The following PCBD2 variants were observed in gnomAD, a reference collection of about 807,000 sequenced individuals.
PCBD2 encodes pterin-4-alpha-carbinolamine dehydratase 2.
Under a neutral mutation model 16.4 loss-of-function variants are expected in PCBD2, and 12 were observed. The observed-to-expected ratio is 0.73, with a 90% confidence interval of 0.47 to 1.19. The LOEUF (loss-of-function observed/expected upper bound fraction) is 1.19, where lower values mean the gene tolerates loss of function less well. Ranked by LOEUF, PCBD2 falls within the 50% of genes most tolerant of loss-of-function variation. The pLI is 0.00. For synonymous variants in PCBD2, 58 were observed against 61.8 expected (o/e 0.94, Z 0.29); for missense variants, 138 against 156.8 (o/e 0.88, Z 0.64).
At chr5:134,905,246 G>C in intron 1 of PCBD2, 23 bp downstream of exon 1, 1 of 1,223,340 alleles carries the variant, frequency 8.2e-7, no homozygotes, top group Non-Finnish European at 1.0e-6. Context: ...CGGCCGCGTG[G>C]GTGGGGGTCC....
chr5:134,919,894 T>G (rs752332761), intron 2 of PCBD2, among the ~76,000 whole-genome samples: 1 of 152,210 alleles, frequency 6.6e-6, no homozygotes, highest in Non-Finnish European at 1.5e-5. Context: ...GTTGTGGTGC[T>G]TTAGGGCCAT....
intron 2 of PCBD2, among the ~76,000 whole-genome samples, chr5:134,956,208 G>A (rs1845095037): frequency 6.6e-6 from 1 of 152,182 alleles, no homozygotes; most frequent in African/African-American, 2.4e-5. Flanking sequence ...TTTATTAAAT[G>A]CAAATATTAT....
At position 134,960,608 on chromosome 5, in the gene PCBD2, A is replaced by G. The variant is rs764782794; in HGVS notation, c.320A>G (p.His107Arg). 24 of 1,612,074 alleles carry G rather than the reference A, an allele frequency of 1.5e-5. No homozygotes were observed. In the South Asian group the frequency reaches 2.2e-4, roughly 15 times the overall value. The part of the protein sequence containing the change: ...YNKVQITLTS[H>R]DCGELTKKDV... ...TAGGTCCAGATAACTCTCACCTCAC[A>G]TGACTGTGGTGAACTGACCAAAAAA... The change falls in exon 4 of 4, where the codon CAT becomes CGT. Residue 107 changes from histidine to arginine, a missense_variant. Transcript: ENST00000254908.
intron 2 of PCBD2, 37 bp downstream of exon 2, chr5:134,910,503 T>C (rs1293046572): frequency 6.8e-6 from 11 of 1,608,372 alleles, no homozygotes; most frequent in Non-Finnish European, 9.4e-6. Flanking sequence ...CTGTGGTCTA[T>C]TTTAGTCACC....
chr5:134,934,839 C>G (rs960581989), intron 2 of PCBD2, among the ~76,000 whole-genome samples: 1 of 152,198 alleles, frequency 6.6e-6, no homozygotes, highest in African/African-American at 2.4e-5. Flanking sequence ...TGGCTAATAT[C>G]ACAGCAGCTT....
At chr5:134,945,464 T>TA (rs1751280861) in intron 2 of PCBD2, among the ~76,000 whole-genome samples, 1 of 152,096 alleles carries the variant, frequency 6.6e-6, no homozygotes, top group African/African-American at 2.4e-5. Context: ...ATTACTTATA[T>TA]AAAAAAAGCC....
intron 2 of PCBD2, among the ~76,000 whole-genome samples, chr5:134,948,849 T>C (rs1454798928): frequency 2.0e-5 from 3 of 152,162 alleles, no homozygotes; most frequent in Admixed American, 6.5e-5. Flanking sequence ...AATGTACTTA[T>C]TACCATGAGC....
chr5:134,960,036 G>A (rs1046673324), intron 3 of PCBD2, among the ~76,000 whole-genome samples: 2 of 151,622 alleles, frequency 1.3e-5, no homozygotes, highest in Admixed American at 6.6e-5. Flanking sequence ...GATCACAGGC[G>A]TGCAGGGTAA....
intron 2 of PCBD2, among the ~76,000 whole-genome samples, chr5:134,941,699 G>A (rs1017931420): frequency 6.6e-6 from 1 of 152,068 alleles, no homozygotes; most frequent in Non-Finnish European, 1.5e-5. Context: ...TAGTGATTCA[G>A]GATACACAAT....
At chr5:134,923,866 C>T (rs1385499335) in intron 2 of PCBD2, 6 of 394,134 alleles carry the variant, frequency 1.5e-5, no homozygotes, top group South Asian at 1.3e-4. Context: ...GATGAGAAGG[C>T]GGTTGAAGCG....
intron 1 of PCBD2, among the ~76,000 whole-genome samples, chr5:134,908,525 C>T (rs576812125): frequency 4.6e-5 from 7 of 151,948 alleles, no homozygotes; most frequent in South Asian, 2.1e-4. Context: ...GTTAGCTGGG[C>T]GTGGTGGCAT....
chr5:134,936,707 A>G (rs1269929084), intron 2 of PCBD2, among the ~76,000 whole-genome samples: 2 of 152,192 alleles, frequency 1.3e-5, no homozygotes, highest in African/African-American at 4.8e-5. Flanking sequence ...TGCTGGTGAT[A>G]AGGCTGCTTG....
chr5:134,926,809 T>C (rs1477675439), intron 2 of PCBD2: 3 of 398,114 alleles, frequency 7.5e-6, no homozygotes, highest in Middle Eastern at 6.3e-4. Flanking sequence ...GTGGTAAATA[T>C]GTAGAGGGAG....
chr5:134,954,150 A>G (rs1207632478), intron 2 of PCBD2, among the ~76,000 whole-genome samples: 1 of 152,094 alleles, frequency 6.6e-6, no homozygotes, highest in Non-Finnish European at 1.5e-5. Context: ...TTGTAGAGAT[A>G]GGGTCTCACT....
chr5:134,952,460 A>G (rs1187604484), intron 2 of PCBD2, among the ~76,000 whole-genome samples: 2 of 152,180 alleles, frequency 1.3e-5, no homozygotes, highest in Non-Finnish European at 2.9e-5. Context: ...AATTAGCTCT[A>G]CCTTTAAAAT....
chr5:134,909,823 C>T (rs1371385460), intron 1 of PCBD2, among the ~76,000 whole-genome samples: 1 of 152,224 alleles, frequency 6.6e-6, no homozygotes, highest in African/African-American at 2.4e-5. Context: ...AATTCCAGCA[C>T]TTTGGGAGGT....
intron 2 of PCBD2, among the ~76,000 whole-genome samples, chr5:134,930,297 G>T (rs1751077813): frequency 6.6e-6 from 1 of 152,006 alleles, no homozygotes; most frequent in South Asian, 2.1e-4. Flanking sequence ...TATTTTGAAT[G>T]CATGAGGGCC....
At chr5:134,955,824 A>G (rs1268015225) in intron 2 of PCBD2, among the ~76,000 whole-genome samples, 1 of 152,212 alleles carries the variant, frequency 6.6e-6, no homozygotes, top group African/African-American at 2.4e-5. Flanking sequence ...CTGGAATCCC[A>G]TAAGCAAGTA....
chr5:134,907,462 C>G (rs368060498), intron 1 of PCBD2, among the ~76,000 whole-genome samples: 1 of 150,774 alleles, frequency 6.6e-6, no homozygotes, highest in South Asian at 2.1e-4. Flanking sequence ...AGGCTGGCCT[C>G]GAACTCCTGA....
Sources: gnomAD v4.1 joint callset for allele counts (sites outside exome capture counted in the v4.1 genomes callset) on GRCh38, gnomAD v4.1.1 for gene constraint, MANE v1.5 for transcripts, NCBI Gene and HGNC (gene_info 2026-07-23, HGNC 2026-07-21) for gene names.